The following SH3GL2 variants were observed in gnomAD, a reference collection of about 807,000 sequenced individuals.
SH3GL2 encodes the protein SH3 domain containing GRB2 like 2, endophilin A1.
Under a neutral mutation model 46.0 loss-of-function variants are expected in SH3GL2, and 24 were observed. The ratio of observed to expected loss-of-function variants is 0.52; its 90% CI spans 0.38 to 0.73. SH3GL2 has a LOEUF of 0.73. Ranked by LOEUF, SH3GL2 falls within the 30% of genes least tolerant of loss-of-function variation. SH3GL2 has a pLI of 0.00. For missense variants in SH3GL2, 413 were observed against 424.2 expected (o/e 0.97, Z 0.23); for synonymous variants, 196 against 147.1 (o/e 1.33, Z -2.40).
chr9:17,579,444 G>C (rs1818232540), intron 1 of SH3GL2, among the ~76,000 whole-genome samples, 157 bp downstream of exon 1: 1 of 151,850 alleles, frequency 6.6e-6, no homozygotes, highest in Non-Finnish European at 1.5e-5. Flanking sequence ...GCGGCTCGGG[G>C]CATCCCCGGT....
intron 1 of SH3GL2, among the ~76,000 whole-genome samples, chr9:17,602,749 A>G (rs1467700741): frequency 1.3e-5 from 2 of 151,460 alleles, no homozygotes; most frequent in African/African-American, 2.4e-5. Context: ...ACATGCACCA[A>G]AATGAAAACA....
intron 1 of SH3GL2, 44 bp from the exon 2 acceptor site, chr9:17,747,022 A>G (rs974699934): frequency 2.3e-6 from 3 of 1,315,528 alleles, no homozygotes; most frequent in Admixed American, 1.9e-5. Context: ...CATTTTTTAA[A>G]GAAACTGTTT....
intron 2 of SH3GL2, among the ~76,000 whole-genome samples, chr9:17,754,860 C>T (rs568597664): frequency 6.6e-6 from 1 of 152,184 alleles, no homozygotes; most frequent in South Asian, 2.1e-4. Flanking sequence ...TGCTGACATT[C>T]TTTATCAGCT....
chr9:17,735,212 A>C (rs929399320), intron 1 of SH3GL2, among the ~76,000 whole-genome samples: 1 of 152,036 alleles, frequency 6.6e-6, no homozygotes, highest in Admixed American at 6.6e-5. Flanking sequence ...ACTACCTACC[A>C]CTCACTGGCA....
At chr9:17,704,022 G>A (rs972021375) in intron 1 of SH3GL2, among the ~76,000 whole-genome samples, 2 of 151,976 alleles carry the variant, frequency 1.3e-5, no homozygotes, top group African/African-American at 4.8e-5. Context: ...TAGACCATAT[G>A]GTTCTATACC....
chr9:17,640,601 A>T (rs1288568201), intron 1 of SH3GL2, among the ~76,000 whole-genome samples: 1 of 152,164 alleles, frequency 6.6e-6, no homozygotes, highest in Non-Finnish European at 1.5e-5. Context: ...TGTTGTGAAG[A>T]TGAACTGAGA....
At position 17,710,751 on chromosome 9, in the gene SH3GL2, C is replaced by G. The variant is rs541260089; in HGVS notation, c.46-36315C>G. 1.1e-4 allele frequency among the ~76,000 whole-genome samples: 16 copies of G among 151,906 alleles called. 1 individual carries two copies. The South Asian group carries it at 3.3e-3, about 32-fold the overall frequency. On this transcript the variant is annotated intron_variant, in intron 1 of 8. Coordinates refer to ENST00000380607, the MANE Select transcript of SH3GL2 (RefSeq NM_003026.5). ...GACATATCCTACAATAGGGATAAAC[C>G]TTATAGACATTATACCAAGTGAAAT...
At chr9:17,712,476 A>G (rs1348065576) in intron 1 of SH3GL2, among the ~76,000 whole-genome samples, 1 of 151,740 alleles carries the variant, frequency 6.6e-6, no homozygotes, top group African/African-American at 2.4e-5. Flanking sequence ...GTTTGTGCTA[A>G]TTTTGTATAT....
At chr9:17,641,900 TAC>T (rs1197409235) in intron 1 of SH3GL2, among the ~76,000 whole-genome samples, 1 of 152,228 alleles carries the variant, frequency 6.6e-6, no homozygotes, top group Non-Finnish European at 1.5e-5. Flanking sequence ...GCAATAAACA[TAC>T]GTGTGCATGT....
intron 1 of SH3GL2, among the ~76,000 whole-genome samples, chr9:17,651,752 T>C (rs1381019054): frequency 6.6e-6 from 1 of 152,212 alleles, no homozygotes; most frequent in East Asian, 1.9e-4. Flanking sequence ...AGATGTTGTT[T>C]TCATATTTCC....
chr9:17,589,103 A>G (rs1318459341), intron 1 of SH3GL2: 1 of 152,244 alleles, frequency 6.6e-6, no homozygotes, highest in Non-Finnish European at 1.5e-5. Flanking sequence ...ATGTACATAC[A>G]CAACATACAT....
At chr9:17,742,682 G>A (rs994095277) in intron 1 of SH3GL2, among the ~76,000 whole-genome samples, 7 of 152,140 alleles carry the variant, frequency 4.6e-5, no homozygotes, top group African/African-American at 1.7e-4. Flanking sequence ...TAAAGAATAA[G>A]AGGAAAATGA....
At chr9:17,718,901 A>G (rs1273645933) in intron 1 of SH3GL2, among the ~76,000 whole-genome samples, 1 of 152,076 alleles carries the variant, frequency 6.6e-6, no homozygotes. Flanking sequence ...AGGAGAATCG[A>G]TTTTCCTTCT....
At chr9:17,685,369 C>A (rs1441461500) in intron 1 of SH3GL2, among the ~76,000 whole-genome samples, 1 of 152,056 alleles carries the variant, frequency 6.6e-6, no homozygotes, top group African/African-American at 2.4e-5. Context: ...GAGGTCCCCC[C>A]ACATTACTGA....
chr9:17,615,378 T>C (rs570009051), intron 1 of SH3GL2, among the ~76,000 whole-genome samples: 2 of 152,190 alleles, frequency 1.3e-5, no homozygotes, highest in Non-Finnish European at 2.9e-5. Context: ...CTTCATTGGC[T>C]GGGTGCGGTG....
chr9:17,676,900 C>T (rs1563807842), intron 1 of SH3GL2, among the ~76,000 whole-genome samples: 1 of 152,154 alleles, frequency 6.6e-6, no homozygotes, highest in African/African-American at 2.4e-5. Flanking sequence ...CATAATACTG[C>T]TTTCTACCCT....
chr9:17,613,940 TGAC>T (rs1818925459), intron 1 of SH3GL2, among the ~76,000 whole-genome samples: 1 of 152,178 alleles, frequency 6.6e-6, no homozygotes, highest in African/African-American at 2.4e-5. Context: ...ATCAAATGAA[TGAC>T]GACAATACTG....
chr9:17,783,305 T>C (rs888349775), intron 3 of SH3GL2, among the ~76,000 whole-genome samples: 1 of 151,836 alleles, frequency 6.6e-6, no homozygotes, highest in Non-Finnish European at 1.5e-5. Context: ...GTGGTTTTCC[T>C]GTTTGTTTGT....
At chr9:17,651,791 T>G (rs1014453880) in intron 1 of SH3GL2, among the ~76,000 whole-genome samples, 27 of 152,194 alleles carry the variant, frequency 1.8e-4, no homozygotes, top group African/African-American at 6.5e-4. Flanking sequence ...GTATTGATAT[T>G]GCTTAACTTG....
Sources: gnomAD v4.1 joint callset for allele counts (sites outside exome capture counted in the v4.1 genomes callset) on GRCh38, gnomAD v4.1.1 for gene constraint, MANE v1.5 for transcripts, NCBI Gene and HGNC (gene_info 2026-07-23, HGNC 2026-07-21) for gene names.